The following ZNF821 variants were observed in gnomAD, a reference collection of about 807,000 sequenced individuals.
ZNF821 encodes zinc finger protein 821.
A neutral mutation model predicts 44.3 loss-of-function variants in ZNF821; 16 were observed. The ratio of observed to expected loss-of-function variants is 0.36; its 90% CI spans 0.24 to 0.55. The LOEUF is 0.55. Ranked by LOEUF, ZNF821 falls within the 20% of genes least tolerant of loss-of-function variation. The pLI, the probability that ZNF821 is intolerant of heterozygous loss-of-function variation, is 0.86. For synonymous variants in ZNF821, 204 were observed against 197.6 expected, an observed-to-expected ratio of 1.03 and a Z score of -0.27; for missense variants, 436 against 547.6, an observed-to-expected ratio of 0.80 and a Z score of 2.03.
At chr16:71,876,660 A>G (rs1302197403) in intron 3 of ZNF821, among the ~76,000 whole-genome samples, 4 of 152,136 alleles carry the variant, frequency 2.6e-5, no homozygotes, top group Admixed American at 2.0e-4. Context: ...GTGCAGTGGC[A>G]TGATCTCAGC....
At chr16:71,865,336 A>G (rs1037961090) in intron 4 of ZNF821, among the ~76,000 whole-genome samples, 2 of 152,102 alleles carry the variant, frequency 1.3e-5, no homozygotes, top group Non-Finnish European at 2.9e-5. Flanking sequence ...TGGTTTTCAA[A>G]TATCTCACAC....
chr16:71,880,476 CATG>C (rs1290270585), intron 2 of ZNF821: 2 of 152,336 alleles, frequency 1.3e-5, no homozygotes, highest in African/African-American at 4.8e-5. Flanking sequence ...GCGGATTTTT[CATG>C]ATGTTATCTT....
At chr16:71,866,500 C>T (rs1275303063) in intron 4 of ZNF821, among the ~76,000 whole-genome samples, 1 of 152,184 alleles carries the variant, frequency 6.6e-6, no homozygotes, top group Admixed American at 6.5e-5. Context: ...TTACATCATA[C>T]CATGTTTTCT....
upstream of ZNF821, among the ~76,000 whole-genome samples, chr16:71,884,360 C>A (rs1344966436): frequency 1.3e-5 from 2 of 152,030 alleles, no homozygotes; most frequent in African/African-American, 2.4e-5. Flanking sequence ...GGGGCTCGCC[C>A]GCGTTCCAGG....
rs572277950 is a variant in ZNF821, at chr16:71,860,397, T to A, written c.860A>T (p.Asn287Ile). The change falls in exon 8 of 8, where the codon AAT (asparagine) becomes ATT (isoleucine). Residue 287 changes from asparagine (N) to isoleucine (I), a missense_variant. Asn to Ile is a moderately radical substitution (Grantham distance 149). Around this residue, in one of 5 missense-constraint regions of ZNF821, gnomAD observed 72 missense variants for 133.3 expected, o/e 0.54. Coordinates refer to ENST00000425432, the MANE Select transcript of ZNF821 (RefSeq NM_001201552.2). The surrounding 1 kb of genome is among the most constrained non-coding windows in gnomAD (Gnocchi z 7.3). ...ERTAKKSRRD[N>I]ETPEEREVRR... is the part of the protein sequence containing the mutation. ...CACCTCCCGCTCCTCGGGGGTCTCA[T>A]TGTCCCGCCGGCTCTTCTTGGCCGT... 1.2e-6 allele frequency: 2 copies of A among 1,612,416 alleles called. No homozygotes were observed. Among genetic ancestry groups the A allele is most frequent in the African/African-American group, 2.7e-5 (2 of 74,940 alleles).
At chr16:71,891,486 TAGAC>T (rs1277637501) in intron 1 of ZNF821, 1 of 152,188 alleles carries the variant, frequency 6.6e-6, no homozygotes, top group African/African-American at 2.4e-5. Context: ...AGGATCTAAA[TAGAC>T]AGGTAGGTTT....
intron 1 of ZNF821, among the ~76,000 whole-genome samples, chr16:71,892,235 T>C (rs2036890666): frequency 7.0e-6 from 1 of 142,580 alleles, no homozygotes; most frequent in African/African-American, 2.6e-5. Context: ...TTAGCGCTTT[T>C]AGTTAGGTGG....
chr16:71,892,168 A>AG (rs2036889583), intron 1 of ZNF821, among the ~76,000 whole-genome samples: 1 of 101,896 alleles, frequency 9.8e-6, no homozygotes, highest in Non-Finnish European at 1.9e-5. Flanking sequence ...ACAAGAGAGA[A>AG]ACTCCGTCTC....
In ZNF821 at chr16:71,879,550, G is replaced by A. The variant is rs192715230; in HGVS notation, c.40+357C>T. Among the ~76,000 whole-genome samples the A allele has an allele frequency of 3.6e-4, 54 of 152,036 alleles. No homozygotes were observed. In the Middle Eastern group the frequency reaches 0.01, roughly 29 times the overall value. On this transcript the variant is annotated intron_variant, in intron 3 of 7. Coordinates refer to ENST00000425432, the MANE Select transcript of ZNF821 (RefSeq NM_001201552.2). ...ATTTATATATCTGAGGTTACAATAC[G>A]GTCTTATAGATCTTATATTGGTTTA... is the stretch of plus-strand genomic sequence containing the variant.
chr16:71,865,707 A>T (rs1038784442), intron 4 of ZNF821, among the ~76,000 whole-genome samples: 3 of 152,206 alleles, frequency 2.0e-5, no homozygotes, highest in African/African-American at 4.8e-5. Context: ...TTACTCTACT[A>T]TTGTAACATG....
intron 1 of ZNF821, among the ~76,000 whole-genome samples, chr16:71,893,012 T>C (rs1353165074): frequency 7.2e-6 from 1 of 139,068 alleles, no homozygotes; most frequent in African/African-American, 2.7e-5. Flanking sequence ...ATTACAGGCA[T>C]GAGCCACCCT....
chr16:71,873,592 C>A (rs2142418014), intron 3 of ZNF821, among the ~76,000 whole-genome samples: 1 of 152,342 alleles, frequency 6.6e-6, no homozygotes, highest in East Asian at 1.9e-4. Flanking sequence ...CAGCTGCCCA[C>A]TGGCTTCTAA....
chr16:71,887,764 A>T (rs1296698902), upstream of ZNF821, among the ~76,000 whole-genome samples: 2 of 152,098 alleles, frequency 1.3e-5, no homozygotes, highest in Non-Finnish European at 2.9e-5. Context: ...TTCTCTAATG[A>T]CTAAGGATGT....
upstream of ZNF821, chr16:71,884,192 G>C (rs2036734255): frequency 6.6e-6 from 1 of 152,052 alleles, no homozygotes; most frequent in South Asian, 2.1e-4. Context: ...CCCGCAGCTA[G>C]TGAGGCGCGT....
chr16:71,870,396 G>A (rs941355510), intron 3 of ZNF821, among the ~76,000 whole-genome samples: 22 of 150,814 alleles, frequency 1.5e-4, no homozygotes, highest in African/African-American at 4.4e-4. Context: ...TTTGATGGGG[G>A]AATACTTCCT....
At chr16:71,890,850 C>G (rs552797642) in intron 1 of ZNF821, among the ~76,000 whole-genome samples, 1 of 139,422 alleles carries the variant, frequency 7.2e-6, no homozygotes, top group African/African-American at 2.7e-5. Context: ...CGGCTCACTG[C>G]AAGCTCCGCC....
chr16:71,879,557 T>G (rs766701388), intron 3 of ZNF821, among the ~76,000 whole-genome samples: 16 of 152,144 alleles, frequency 1.1e-4, no homozygotes, highest in African/African-American at 2.9e-4. Flanking sequence ...TACGGTCTTA[T>G]AGATCTTATA....
intron 3 of ZNF821, among the ~76,000 whole-genome samples, chr16:71,868,268 TA>T (rs1421555403): frequency 1.3e-5 from 2 of 152,228 alleles, no homozygotes; most frequent in Admixed American, 6.5e-5. Flanking sequence ...TAAATCCTCC[TA>T]GTCTTGACTC....
Position 71,860,122 on chromosome 16 carries a change from C to A in ZNF821, c.1135G>T (p.Ala379Ser). Residue 379 changes from alanine (A) to serine (S), a missense_variant, in exon 8 of 8, where the codon GCT (alanine) becomes TCT (serine). Ala to Ser is a moderately conservative substitution (Grantham distance 99, BLOSUM62 1). Coordinates refer to ENST00000425432, the MANE Select transcript of ZNF821 (RefSeq NM_001201552.2). The surrounding 1 kb of genome is among the most constrained non-coding windows in gnomAD (Gnocchi z 7.3). ...GGCAGCTGGAAGAAGTTCATTTCAG[C>A]TGCTAAGGCTGCCATGGCAGAAGGG... ...QDPSAMAALA[A>S]EMNFFQLPVS... 1 of 1,614,246 alleles carries A rather than the reference C, an allele frequency of 6.2e-7. No homozygotes were observed. The highest frequency in any genetic ancestry group is 8.5e-7 in the Non-Finnish European group (1 of 1,180,046).
Sources: gnomAD v4.1 joint callset for allele counts (sites outside exome capture counted in the v4.1 genomes callset) on GRCh38, gnomAD v4.1.1 for gene constraint, gnomAD v4.1.1 regional missense constraint, Gnocchi (gnomAD v3.1) non-coding constraint, MANE v1.5 for transcripts, NCBI Gene and HGNC (gene_info 2026-07-23, HGNC 2026-07-21) for gene names.